The following SLC39A8 variants were observed in gnomAD, a reference collection of about 807,000 sequenced individuals.
The protein encoded by SLC39A8 is solute carrier family 39 member 8.
In SLC39A8, 15 loss-of-function variants were observed where a neutral mutation model predicts 40.4. That is an observed-to-expected ratio of 0.37 (90% CI 0.25 to 0.57). The LOEUF (loss-of-function observed/expected upper bound fraction) is 0.57, where lower values mean the gene tolerates loss of function less well. Ranked by LOEUF, SLC39A8 falls within the 20% of genes least tolerant of loss-of-function variation. SLC39A8 has a pLI of 0.75. For synonymous variants in SLC39A8, 223 were observed against 221.6 expected (o/e 1.01, Z -0.06); for missense variants, 472 against 558.8 (o/e 0.84, Z 1.57).
intron 2 of SLC39A8, among the ~76,000 whole-genome samples, chr4:102,337,584 A>T (rs751121933): frequency 1.3e-5 from 2 of 152,052 alleles, no homozygotes; most frequent in South Asian, 4.1e-4. Context: ...CGGCTCACCT[A>T]CTCTTCCCTC....
intron 2 of SLC39A8, among the ~76,000 whole-genome samples, chr4:102,324,563 G>T (rs769421701): frequency 6.6e-6 from 1 of 152,176 alleles, no homozygotes; most frequent in African/African-American, 2.4e-5. Context: ...CTCCAAAAAT[G>T]CTGTGAAGAC....
chr4:102,335,370 A>G (rs1735621507), intron 2 of SLC39A8, among the ~76,000 whole-genome samples: 1 of 152,138 alleles, frequency 6.6e-6, no homozygotes, highest in African/African-American at 2.4e-5. Flanking sequence ...CGCTGAAGAG[A>G]TACATCTCTC....
chr4:102,253,695 A>G (rs1160965023), intron 11 of SLC39A8, among the ~76,000 whole-genome samples: 1 of 152,194 alleles, frequency 6.6e-6, no homozygotes, highest in African/African-American at 2.4e-5. Flanking sequence ...AAATTGAGAC[A>G]ATATTAACAT....
chr4:102,263,522 G>C (rs1560524463), intron 8 of SLC39A8, among the ~76,000 whole-genome samples: 1 of 152,192 alleles, frequency 6.6e-6, no homozygotes, highest in Admixed American at 6.5e-5. Flanking sequence ...TTTGCTGGTG[G>C]AGTCTTGATT....
rs969556063 is a variant in SLC39A8, at chr4:102,340,456, T to C, written c.219+3988A>G. 5.9e-5 allele frequency among the ~76,000 whole-genome samples: 9 copies of C among 152,312 alleles called. No homozygotes were observed. The South Asian group carries it at 1.2e-3, about 21-fold the overall frequency. On this transcript the variant is annotated intron_variant, in intron 2 of 8. Transcript: ENST00000356736. ...GAAAGGCTTCTCAGAAGAAGTAATG[T>C]CTAAACTGATACCAGAGCATAATCA...
At chr4:102,264,841 A>G (rs1289633370) in intron 8 of SLC39A8, among the ~76,000 whole-genome samples, 1 of 152,158 alleles carries the variant, frequency 6.6e-6, no homozygotes, top group Non-Finnish European at 1.5e-5. Context: ...CACCTCTGCT[A>G]ATGTCCAGTT....
chr4:102,326,002 C>T (rs989456005), intron 2 of SLC39A8, among the ~76,000 whole-genome samples: 1 of 152,176 alleles, frequency 6.6e-6, no homozygotes, highest in Non-Finnish European at 1.5e-5. Flanking sequence ...TTCTTTTAGA[C>T]TCCTAAAAGT....
intron 2 of SLC39A8, among the ~76,000 whole-genome samples, chr4:102,343,295 G>A (rs1436133307): frequency 6.6e-6 from 1 of 152,130 alleles, no homozygotes; most frequent in African/African-American, 2.4e-5. Context: ...ATCAATCTAC[G>A]TATAATGTTA....
chr4:102,328,012 T>C (rs1578621480), intron 2 of SLC39A8, among the ~76,000 whole-genome samples: 1 of 152,258 alleles, frequency 6.6e-6, no homozygotes, highest in Middle Eastern at 3.4e-3. Context: ...AATATAGTAA[T>C]GGGCTACAGA....
At chr4:102,284,985 T>A (rs950540144) in intron 6 of SLC39A8, among the ~76,000 whole-genome samples, 1 of 152,202 alleles carries the variant, frequency 6.6e-6, no homozygotes, top group Non-Finnish European at 1.5e-5. Flanking sequence ...GTGTTTCCTC[T>A]GCTGCTAAAC....
At chr4:102,254,507 A>G (rs558683269) in intron 11 of SLC39A8, among the ~76,000 whole-genome samples, 88 of 152,372 alleles carry the variant, frequency 5.8e-4, no homozygotes, top group African/African-American at 2.1e-3. Context: ...TTTGGAAGAA[A>G]GTGAAATATA....
rs770503353 is a variant in SLC39A8, at chr4:102,267,658, T to C, written c.1065A>G (p.Leu355=). Residue 355 remains leucine (L), a synonymous_variant, in exon 8 of 9, where the codon CTA becomes CTG. Coordinates refer to ENST00000356736, the MANE Select transcript of SLC39A8 (RefSeq NM_001135146.2). ...FPHELGDFVI[L]LNAGMSTRQA... is the part of the protein sequence containing the mutation. ...GTCGAGTGCTCATCCCTGCATTGAG[T>C]AGGATCACAAAGTCTCCTAGAAGAA... The C allele has an allele frequency of 1.9e-6, 3 of 1,591,800 alleles. No individual in the cohort carries two copies.
At chr4:102,318,023 T>C (rs1264707038) in intron 2 of SLC39A8, among the ~76,000 whole-genome samples, 1 of 152,176 alleles carries the variant, frequency 6.6e-6, no homozygotes, top group Admixed American at 6.5e-5. Flanking sequence ...TTACACATCA[T>C]ATATAACATG....
intron 6 of SLC39A8, among the ~76,000 whole-genome samples, chr4:102,302,452 A>C (rs1459743285): frequency 6.6e-6 from 1 of 152,028 alleles, no homozygotes; most frequent in Non-Finnish European, 1.5e-5. Context: ...TTTAACTACT[A>C]TTCTTTAGGC....
intron 6 of SLC39A8, among the ~76,000 whole-genome samples, chr4:102,291,417 C>T (rs908694917): frequency 2.6e-5 from 4 of 151,956 alleles, no homozygotes; most frequent in Admixed American, 2.0e-4. Flanking sequence ...GCAGATCTTC[C>T]CAATCTCCTC....
chr4:102,273,055 T>C (rs1732443653), intron 6 of SLC39A8, among the ~76,000 whole-genome samples: 1 of 152,184 alleles, frequency 6.6e-6, no homozygotes, highest in South Asian at 2.1e-4. Context: ...CAGGAGTTTT[T>C]TTCCATACCC....
intron 2 of SLC39A8, among the ~76,000 whole-genome samples, chr4:102,321,089 T>A (rs1222110998): frequency 1.3e-5 from 2 of 151,900 alleles, no homozygotes; most frequent in African/African-American, 4.8e-5. Context: ...GATAAATAAG[T>A]AAAACTGCCT....
rs1386441791 is a variant in SLC39A8 at position 102,344,945 on chromosome 4, G to A, written c.-253-30C>T. On this transcript the variant is annotated intron_variant, in intron 1 of 8. Coordinates refer to ENST00000356736, the MANE Select transcript of SLC39A8 (RefSeq NM_001135146.2). ...GATAAAGAGGACAAAGGGGGACAGA[G>A]ATAAAGGCCACCAGGGCACCAGCCG... 5 of 1,198,812 alleles carry A rather than the reference G, an allele frequency of 4.2e-6. No homozygotes were observed. In the African/African-American group the frequency reaches 7.9e-5, roughly 19 times the overall value. The allele number at this position is 1,198,812 out of a possible 1,614,324, so 74.3% of individuals were successfully genotyped here.
intron 6 of SLC39A8, among the ~76,000 whole-genome samples, chr4:102,303,778 A>C (rs553527409): frequency 9.9e-5 from 15 of 151,986 alleles, no homozygotes; most frequent in Non-Finnish European, 1.9e-4. Flanking sequence ...TAGTTGTTAT[A>C]AAAAGTAAAT....
Sources: allele counts gnomAD v4.1 joint callset (sites outside exome capture counted in the v4.1 genomes callset), GRCh38; gene constraint gnomAD v4.1.1; transcripts MANE v1.5; gene names NCBI Gene and HGNC (gene_info 2026-07-23, HGNC 2026-07-21).